Variants in EPS8L2 observed in about 807,000 individuals in gnomAD.
EPS8L2 encodes epidermal growth factor receptor kinase substrate 8-like protein 2.
In EPS8L2, 81 loss-of-function variants were observed where a neutral mutation model predicts 99.4. That is an observed-to-expected ratio of 0.82 (90% confidence interval 0.68 to 0.98). EPS8L2 has a LOEUF of 0.98. Ranked by LOEUF, EPS8L2 falls within the 50% of genes least tolerant of loss-of-function variation. EPS8L2 has a pLI of 0.00. For missense variants in EPS8L2, 1,155 were observed against 968.8 expected, an observed-to-expected ratio of 1.19 and a Z score of -2.55; for synonymous variants, 509 against 407.3, an observed-to-expected ratio of 1.25 and a Z score of -3.01.
Position 722,189 on chromosome 11 carries a change from G to A in EPS8L2, c.1059+24G>A, listed in dbSNP as rs773892502. On this transcript the variant is annotated intron_variant, in intron 12 of 20. Coordinates refer to ENST00000318562, the MANE Select transcript of EPS8L2 (RefSeq NM_022772.4). ...TGGTGCCTGGGGCCGGGCGGCAGGGGCGCGCAGGGTGGGGGCCCAGAGGCC... is the reference window on the plus strand; with the variant it reads ...TGGTGCCTGGGGCCGGGCGGCAGGGACGCGCAGGGTGGGGGCCCAGAGGCC... 11 of 1,608,766 alleles carry A rather than the reference G, an allele frequency of 6.8e-6. No homozygotes were observed. In the South Asian group the frequency reaches 8.8e-5, roughly 13 times the overall value.
In EPS8L2 at chr11:709,385, C is replaced by T. The variant is rs201789699; in HGVS notation, c.-23C>T. On this transcript the variant is annotated 5_prime_UTR_variant, in exon 2 of 21. Transcript: ENST00000318562. ...GCCACACTGAGGTCTGCCCTTCTCCCGCTGGCCGCCACCCAAGACACCATG... is the reference window on the plus strand; with the variant it reads ...GCCACACTGAGGTCTGCCCTTCTCCTGCTGGCCGCCACCCAAGACACCATG... 4.6e-4 allele frequency: 717 copies of T among 1,566,684 alleles called. 8 individuals are homozygous for T. In the East Asian group the frequency reaches 6.6e-3, roughly 14 times the overall value.
chr11:720,996 G>A, intron 7 of EPS8L2, 68 bp from the exon 8 acceptor site: 1 of 1,458,312 alleles, frequency 6.9e-7, no homozygotes, highest in East Asian at 2.5e-5. Flanking sequence ...GGGAGGGGAG[G>A]AGCCCGGCAG....
At chr11:721,230 C>T (rs776397781) in intron 8 of EPS8L2, 24 bp downstream of exon 8, 1 of 1,533,962 alleles carries the variant, frequency 6.5e-7, no homozygotes, top group African/African-American at 1.4e-5. Context: ...CTGGAGGGGG[C>T]TCCACAGGGC....
In EPS8L2 at chr11:725,763, C is replaced by T; in HGVS notation, c.1596C>T (p.Arg532=). 5.2e-6 allele frequency: 7 copies of T among 1,350,276 alleles called. No individual in the cohort carries two copies. Among genetic ancestry groups the T allele is most frequent in the Non-Finnish European group, 6.6e-6 (7 of 1,054,146 alleles). 83.6% of individuals were successfully genotyped at this position (1,350,276 alleles called of 1,614,324 possible). Residue 532 remains arginine, a synonymous_variant, in exon 17 of 21, where the codon CGC becomes CGT. Coordinates refer to ENST00000318562, the MANE Select transcript of EPS8L2 (RefSeq NM_022772.4). ...LEDGRQWWKL[R]SRSGQAGYVP... ...ACGGCCGGCAGTGGTGGAAGCTGCG[C>T]AGCCGCAGCGGCCAGGCGGGGTACG...
At position 726,971 on chromosome 11, in the gene EPS8L2, A is replaced by T; in HGVS notation, c.2138A>T (p.Glu713Val). 1 of 1,612,564 alleles carries T rather than the reference A, an allele frequency of 6.2e-7. No individual in the cohort carries two copies. Among genetic ancestry groups the T allele is most frequent in the East Asian group, 2.2e-5 (1 of 44,864 alleles). Reference protein sequence around the residue: ...KFHSMNQRRGEDS With the variant: ...KFHSMNQRRGVDS ...CATTCCATGAATCAGAGGAGGGGGG[A>T]GGACAGCTAGGCCCAGCTGCCTTGG... The change falls in exon 21 of 21, where the codon GAG becomes GTG. Residue 713 changes from glutamate to valine, a missense_variant. Glu to Val is a moderately radical substitution (Grantham distance 121). Transcript: ENST00000318562.
Position 724,743 on chromosome 11 carries a change from G to A in EPS8L2, c.1474G>A (p.Ala492Thr), listed in dbSNP as rs1862270254. 2 of 1,613,474 alleles carry A rather than the reference G, an allele frequency of 1.2e-6. No homozygotes were observed. The highest frequency in any genetic ancestry group is 1.7e-5 in the Admixed American group (1 of 60,018). The change falls in exon 16 of 21, where the codon GCC (alanine) becomes ACC (threonine). Residue 492 changes from alanine to threonine, a missense_variant. Transcript: ENST00000318562. This position sits in a 1 kb window ranked among gnomAD's most constrained non-coding sequence, Gnocchi z 5.5. ...HTHRGYQPTP[A>T]MAKYVKILYD... ...TCACAGGGGCTACCAGCCAACACCA[G>A]CCATGGCCAAGTACGTCAAGATCCT...
rs143131969 is a variant in EPS8L2 at position 710,310 on chromosome 11, C to T, written c.101-112C>T. On this transcript the variant is annotated intron_variant, in intron 3 of 20. Coordinates refer to ENST00000318562, the MANE Select transcript of EPS8L2 (RefSeq NM_022772.4). Reference sequence around the variant, plus strand: ...TCCTTCCTGGTGGCCAAGAGGTCCACGGAGCAGCCTCCCTCCGCTTGACTC... The same window carrying T: ...TCCTTCCTGGTGGCCAAGAGGTCCATGGAGCAGCCTCCCTCCGCTTGACTC... 1.4e-3 allele frequency: 1,470 copies of T among 1,027,814 alleles called. 4 individuals are homozygous for T. The highest frequency in any genetic ancestry group is 1.9e-3 in the Non-Finnish European group (1,263 of 658,666). 63.7% of individuals were successfully genotyped at this position (1,027,814 alleles called of 1,614,324 possible). A position where few individuals can be genotyped will look rare whatever the true frequency, so the allele number is the denominator to read the frequency against.
intron 4 of EPS8L2, among the ~76,000 whole-genome samples, chr11:713,199 C>T (rs1160852814): frequency 6.6e-6 from 1 of 152,224 alleles, no homozygotes; most frequent in African/African-American, 2.4e-5. Flanking sequence ...GCACCTGAGC[C>T]CGGGTCCATG....
rs1475138396 is a variant in EPS8L2 at position 721,188 on chromosome 11, G to C, written c.682G>C (p.Val228Leu). ...PEAKNRVGPQ[V>L]PLSEPGFRRR... The stretch of plus-strand genomic sequence containing the variant: ...GGCCAAGAATCGCGTGGGCCCGCAG[G>C]TGCCACTCAGCGAGCCAGGTGGGCC... Residue 228 changes from valine (V) to leucine (L), a missense_variant, in exon 8 of 21, where the codon GTG becomes CTG. By Grantham distance (32) the Val-to-Leu change is conservative (BLOSUM62 1). Coordinates refer to ENST00000318562, the MANE Select transcript of EPS8L2 (RefSeq NM_022772.4). The C allele has an allele frequency of 2.6e-6, 4 of 1,533,638 alleles. No homozygotes were observed. The highest frequency in any genetic ancestry group is 3.5e-6 in the Non-Finnish European group (4 of 1,142,518).
rs1419753258 is a variant in EPS8L2 at position 720,853 on chromosome 11, C to A, written c.501C>A (p.Ile167=). Residue 167 remains isoleucine, a synonymous_variant, in exon 7 of 21, where the codon ATC becomes ATA. Coordinates refer to ENST00000318562, the MANE Select transcript of EPS8L2 (RefSeq NM_022772.4). ...AGGCAGAGCTGGTGCACGAGGACAT[C>A]GAGAGCGCGTTGGCCGACTGCCGGC... The part of the protein sequence containing the change: ...EVEAELVHED[I]ESALADCRLG... The A allele has an allele frequency of 6.5e-6, 10 of 1,531,452 alleles. No homozygotes were observed. The highest frequency in any genetic ancestry group is 8.8e-6 in the Non-Finnish European group (10 of 1,141,668). The allele number at this position is 1,531,452 out of a possible 1,614,324, so 94.9% of individuals were successfully genotyped here. A position where few individuals can be genotyped will look rare whatever the true frequency, so the allele number is the denominator to read the frequency against.
At chr11:719,114 C>T (rs1297389863) in intron 4 of EPS8L2, among the ~76,000 whole-genome samples, 8 of 150,680 alleles carry the variant, frequency 5.3e-5, no homozygotes, top group African/African-American at 1.5e-4. Flanking sequence ...TACAGGCGCC[C>T]GCCACAATGC....
rs1023025933 is a variant in EPS8L2, at chr11:706,249, G to A, written c.-118G>A. The A allele has an allele frequency of 3.9e-5, 6 of 152,054 alleles. No individual in the cohort carries two copies. Among genetic ancestry groups the A allele is most frequent in the Admixed American group, 1.3e-4 (2 of 15,258 alleles). The allele number at this position is 152,054 out of a possible 1,614,324, so 9.4% of individuals were successfully genotyped here. A position where few individuals can be genotyped will look rare whatever the true frequency, so the allele number is the denominator to read the frequency against. On this transcript the variant is annotated 5_prime_UTR_variant, in exon 1 of 21. Transcript: ENST00000318562. ...CGCGAACAGACGGACGCACCGGCGA[G>A]CGCCGAGGGGACAGGCCGAGCGCGG...
intron 16 of EPS8L2, among the ~76,000 whole-genome samples, chr11:725,368 G>C (rs1312496263): frequency 1.3e-5 from 2 of 152,212 alleles, no homozygotes; most frequent in Non-Finnish European, 2.9e-5. Flanking sequence ...AAAATTATCT[G>C]GATGTGGTGG....
In EPS8L2 at chr11:722,368, C is replaced by T. The variant is rs201145203; in HGVS notation, c.1060-33C>T. The T allele has an allele frequency of 3.5e-3, 5,657 of 1,606,304 alleles. 15 individuals are homozygous for T. The highest frequency in any genetic ancestry group is 4.4e-3 in the Non-Finnish European group (5,154 of 1,176,220). ...GGGGTGCTGGGCCAGGGTCTGTGGG[C>T]CTCAGTCCCCTCTGAACCTCACTGT... On this transcript the variant is annotated intron_variant, in intron 12 of 20. Transcript: ENST00000318562.
At chr11:716,537 G>A (rs1425996448) in intron 4 of EPS8L2, among the ~76,000 whole-genome samples, 2 of 151,952 alleles carry the variant, frequency 1.3e-5, no homozygotes, top group African/African-American at 2.4e-5. Flanking sequence ...GATTACAGGC[G>A]TGAGCCACCG....
At chr11:709,787 C>T (rs1861835278) in intron 3 of EPS8L2, 179 bp downstream of exon 3, 1 of 650,846 alleles carries the variant, frequency 1.5e-6, no homozygotes. Flanking sequence ...CACTGGATCC[C>T]CTCCCCCACA....
At chr11:711,906 C>T (rs1278061617) in intron 4 of EPS8L2, among the ~76,000 whole-genome samples, 1 of 151,992 alleles carries the variant, frequency 6.6e-6, no homozygotes, top group African/African-American at 2.4e-5. Context: ...TCACTGGAAC[C>T]CAGGAGGCGG....
intron 4 of EPS8L2, among the ~76,000 whole-genome samples, chr11:716,392 C>T (rs1265979196): frequency 6.6e-6 from 1 of 152,096 alleles, no homozygotes; most frequent in African/African-American, 2.4e-5. Flanking sequence ...TTGTGATCTG[C>T]CTGCCTCAGC....
chr11:720,271 G>T, intron 5 of EPS8L2, 48 bp downstream of exon 5: 1 of 1,592,762 alleles, frequency 6.3e-7, no homozygotes, highest in Non-Finnish European at 8.6e-7. Flanking sequence ...GGTAGAGGCG[G>T]TGGCAGCCAC....
Sources: gnomAD v4.1 joint callset for allele counts (sites outside exome capture counted in the v4.1 genomes callset) on GRCh38, gnomAD v4.1.1 for gene constraint, Gnocchi (gnomAD v3.1) non-coding constraint, MANE v1.5 for transcripts, NCBI Gene and HGNC (gene_info 2026-07-23, HGNC 2026-07-21) for gene names.